Variants in ACVR2B observed in about 807,000 individuals in gnomAD.
ACVR2B encodes activin receptor type-2B.
Under a neutral mutation model 65.1 loss-of-function variants are expected in ACVR2B, and 18 were observed. The observed-to-expected ratio is 0.28, with a 90% confidence interval of 0.19 to 0.41. ACVR2B has a LOEUF of 0.41. Among genes scored for constraint, ACVR2B ranks in the 10% least tolerant of loss-of-function variants. The pLI is 1.00. For synonymous variants in ACVR2B, 298 were observed against 277.7 expected (o/e 1.07, Z -0.73); for missense variants, 482 against 682.7 (o/e 0.71, Z 3.28).
At chr3:38,459,400 C>T (rs1709603108) in intron 1 of ACVR2B, among the ~76,000 whole-genome samples, 2 of 152,210 alleles carry the variant, frequency 1.3e-5, no homozygotes, top group South Asian at 4.1e-4. Flanking sequence ...CTGACCGTTG[C>T]CTTAAGGCTG....
chr3:38,479,747 A>G lies in ACVR2B; in HGVS notation c.880A>G (p.Met294Val). The change falls in exon 7 of 11, where the codon ATG becomes GTG. Residue 294 changes from methionine to valine, a missense_variant. By Grantham distance (21) the Met-to-Val change is conservative (BLOSUM62 1). Coordinates refer to ENST00000352511, the MANE Select transcript of ACVR2B (RefSeq NM_001106.4). ...WNELCHVAETMSRGLSYLHED... is the reference protein window; with the variant it reads ...WNELCHVAETVSRGLSYLHED... ...CGAACTGTGTCATGTAGCAGAGACG[A>G]TGTCACGAGGCCTCTCATACCTGCA... 1 of 1,614,222 alleles carries G rather than the reference A, an allele frequency of 6.2e-7. No homozygotes were observed. The highest frequency in any genetic ancestry group is 8.5e-7 in the Non-Finnish European group (1 of 1,180,042).
At position 38,454,005 on chromosome 3, in the gene ACVR2B, C is replaced by A; in HGVS notation, c.-318C>A. ...GGACTCGGCCCCTGCGCCCGGGGCCCGGGCCCAGCCCCGCCGCGCTATGCC... is the reference window on the plus strand; with the variant it reads ...GGACTCGGCCCCTGCGCCCGGGGCCAGGGCCCAGCCCCGCCGCGCTATGCC... On this transcript the variant is annotated 5_prime_UTR_variant, in exon 1 of 11. Coordinates refer to ENST00000352511, the MANE Select transcript of ACVR2B (RefSeq NM_001106.4). 6.9e-6 allele frequency: 1 copy of A among 145,562 alleles called. No homozygotes were observed. Among genetic ancestry groups the A allele is most frequent in the South Asian group, 2.0e-4 (1 of 4,954 alleles). The allele number at this position is 145,562 out of a possible 1,614,324, so 9.0% of individuals were successfully genotyped here. A position where few individuals can be genotyped will look rare whatever the true frequency, so the allele number is the denominator to read the frequency against.
In ACVR2B at chr3:38,483,150, C is replaced by CT; in HGVS notation, c.1360dup (p.Cys454LeufsTer11). 6.2e-7 allele frequency: 1 copy of CT among 1,614,188 alleles called. No homozygotes were observed. Among genetic ancestry groups the CT allele is most frequent in the Non-Finnish European group, 8.5e-7 (1 of 1,180,032 alleles). ...CTATGCTGCTTAGGGCCTGGCCCAGCTTTGTGTGACCATCGAGGAGTGCTG... is the reference window on the plus strand; with the variant it reads ...CTATGCTGCTTAGGGCCTGGCCCAGCTTTTGTGTGACCATCGAGGAGTGCTG... On this transcript the variant is annotated frameshift_variant, in exon 11 of 11. Transcript: ENST00000352511. LOFTEE classifies it high-confidence loss of function. The surrounding 1 kb of genome is among the most constrained non-coding windows in gnomAD (Gnocchi z 4.8).
At chr3:38,474,144 A>G (rs1709867352) in intron 1 of ACVR2B, 1 of 152,462 alleles carries the variant, frequency 6.6e-6, no homozygotes, top group Non-Finnish European at 1.5e-5. Context: ...AGCCTCCCAA[A>G]GTGCTGGCAT....
chr3:38,473,727 C>G (rs1293862305), intron 1 of ACVR2B: 5 of 152,272 alleles, frequency 3.3e-5, no homozygotes, highest in African/African-American at 1.2e-4. Flanking sequence ...GCCAATGTGC[C>G]AGGCAGTGTT....
intron 1 of ACVR2B, among the ~76,000 whole-genome samples, chr3:38,465,125 G>A (rs1321005441): frequency 2.6e-5 from 4 of 152,032 alleles, no homozygotes; most frequent in African/African-American, 7.2e-5. Context: ...CGGGCTGGGC[G>A]CAGTGGCTCA....
rs1426698298 is a variant in ACVR2B, at chr3:38,483,281, G to C, written c.1488G>C (p.Leu496=). 3.7e-6 allele frequency: 6 copies of C among 1,613,998 alleles called. No homozygotes were observed. Among genetic ancestry groups the C allele is most frequent in the Non-Finnish European group, 5.1e-6 (6 of 1,180,000 alleles). ...CTACCTCGGACTGTCTCGTTTCCCTGGTGACCTCTGTCACCAATGTGGACC... is the reference window on the plus strand; with the variant it reads ...CTACCTCGGACTGTCTCGTTTCCCTCGTGACCTCTGTCACCAATGTGGACC... ...NGTTSDCLVS[L]VTSVTNVDLP... The change falls in exon 11 of 11, where the codon CTG becomes CTC. Residue 496 remains leucine, a synonymous_variant. Coordinates refer to ENST00000352511, the MANE Select transcript of ACVR2B (RefSeq NM_001106.4). The surrounding 1 kb of genome is among the most constrained non-coding windows in gnomAD (Gnocchi z 4.8).
chr3:38,482,154 A>G (rs1384507770), intron 8 of ACVR2B, 44 bp from the exon 9 acceptor site: 7 of 1,613,484 alleles, frequency 4.3e-6, no homozygotes, highest in Non-Finnish European at 5.1e-6. Flanking sequence ...CTGTGTGTGT[A>G]TGGCCAGTCA....
At chr3:38,482,993 C>A in intron 10 of ACVR2B, 145 bp from the exon 11 acceptor site, 1 of 907,144 alleles carries the variant, frequency 1.1e-6, no homozygotes, top group Non-Finnish European at 1.8e-6. Flanking sequence ...TTTCCCCAGG[C>A]CTCTGCTGGT....
chr3:38,482,683 TC>T (rs1435708985), intron 10 of ACVR2B, 123 bp downstream of exon 10: 3 of 1,392,388 alleles, frequency 2.2e-6, no homozygotes, highest in Non-Finnish European at 2.9e-6. Context: ...TTCCCTGGAC[TC>T]TAGGGATGTG....
chr3:38,455,759 C>T (rs1709539872), intron 1 of ACVR2B, among the ~76,000 whole-genome samples: 1 of 152,180 alleles, frequency 6.6e-6, no homozygotes, highest in Admixed American at 6.5e-5. Flanking sequence ...TCGTGTTGGA[C>T]TTTCTGCTCT....
intron 1 of ACVR2B, among the ~76,000 whole-genome samples, chr3:38,460,788 T>TGTTTTGTGAGGC (rs1333677093): frequency 6.6e-6 from 1 of 152,112 alleles, no homozygotes; most frequent in African/African-American, 2.4e-5. Context: ...GGAGCTGAGG[T>TGTTTTGTGAGGC]GTTTTGTGAG....
rs1185541485 is a variant in ACVR2B, at chr3:38,493,071, ATAGGAGGAAAAATC to A, written c.*9743_*9756del. Reference sequence around the variant, plus strand: ...GTGAAGAAGCAGTTACACCCCAACAATAGGAGGAAAAATCTAGAACTATTTCAAGTTTTATCTTT... The same window carrying A: ...GTGAAGAAGCAGTTACACCCCAACAATAGAACTATTTCAAGTTTTATCTTT... On this transcript the variant is annotated 3_prime_UTR_variant, in exon 11 of 11. Transcript: ENST00000352511. 6.6e-6 allele frequency: 1 copy of A among 152,620 alleles called. No individual in the cohort carries two copies. The highest frequency in any genetic ancestry group is 2.4e-5 in the African/African-American group (1 of 41,448). The allele number at this position is 152,620 out of a possible 1,614,324, so 9.5% of individuals were successfully genotyped here.
intron 1 of ACVR2B, among the ~76,000 whole-genome samples, chr3:38,462,938 C>T (rs1012814585): frequency 2.7e-4 from 41 of 152,254 alleles, no homozygotes; most frequent in Admixed American, 9.2e-4. Context: ...TGGCTCTCTG[C>T]GGTAATCTGT....
intron 5 of ACVR2B, 54 bp from the exon 6 acceptor site, chr3:38,479,074 G>T: frequency 3.1e-6 from 5 of 1,610,202 alleles, no homozygotes; most frequent in Non-Finnish European, 4.2e-6. Flanking sequence ...CAATGTGACT[G>T]CAGCAGGGCT....
intron 1 of ACVR2B, 165 bp downstream of exon 1, chr3:38,454,539 G>A: frequency 1.8e-6 from 1 of 544,898 alleles, no homozygotes; most frequent in Non-Finnish European, 2.7e-6. Context: ...GTGGGCGCCC[G>A]GCTCGCCGAA....
chr3:38,474,068 G>C (rs567566732), intron 1 of ACVR2B: 13 of 152,426 alleles, frequency 8.5e-5, no homozygotes, highest in African/African-American at 3.1e-4. Context: ...TTTTAGTAGA[G>C]ACCAGGTTTC....
chr3:38,458,122 C>A (rs1352497244), intron 1 of ACVR2B, among the ~76,000 whole-genome samples: 2 of 152,148 alleles, frequency 1.3e-5, no homozygotes, highest in Non-Finnish European at 2.9e-5. Context: ...ACCCTATGGC[C>A]TCCCATCACT....
In ACVR2B at chr3:38,479,201, T is replaced by A. The variant is rs1229867551; in HGVS notation, c.740T>A (p.Phe247Tyr). ...PGMKHENLLQFIAAEKRGSNL... is the reference protein window; with the variant it reads ...PGMKHENLLQYIAAEKRGSNL... ...ATGAAGCACGAGAACCTGCTACAGTTCATTGCTGCCGAGAAGCGAGGCTCC... is the reference window on the plus strand; with the variant it reads ...ATGAAGCACGAGAACCTGCTACAGTACATTGCTGCCGAGAAGCGAGGCTCC... The change falls in exon 6 of 11, where the codon TTC (phenylalanine) becomes TAC (tyrosine). Residue 247 changes from phenylalanine (F) to tyrosine (Y), a missense_variant. Physicochemically the swap from Phe to Tyr is conservative, Grantham distance 22. This residue lies in a region of ACVR2B where 223 missense variants were observed against 386.3 expected (regional missense o/e 0.58). Coordinates refer to ENST00000352511, the MANE Select transcript of ACVR2B (RefSeq NM_001106.4). 2 of 1,614,162 alleles carry A rather than the reference T, an allele frequency of 1.2e-6. No individual in the cohort carries two copies. The highest frequency in any genetic ancestry group is 3.3e-5 in the Admixed American group (2 of 60,022).
Sources: gnomAD v4.1 joint callset for allele counts (sites outside exome capture counted in the v4.1 genomes callset) on GRCh38, gnomAD v4.1.1 for gene constraint, gnomAD v4.1.1 regional missense constraint, Gnocchi (gnomAD v3.1) non-coding constraint, MANE v1.5 for transcripts, NCBI Gene and HGNC (gene_info 2026-07-23, HGNC 2026-07-21) for gene names.